AFG2A: variants seen among roughly 807,000 people sequenced by gnomAD.
AFG2A encodes AAA ATPase AFG2A.
chr4:122,938,822 CCTTA>C, the AFG2A span, among the ~76,000 whole-genome samples: 4 of 151,968 alleles, frequency 2.6e-5, no homozygotes, highest in Admixed American at 2.6e-4. Flanking sequence ...GTCTCGAACT[CCTTA>C]CCTTGTCATC....
At chr4:123,166,613 G>A in the AFG2A span, among the ~76,000 whole-genome samples, 1 of 152,120 alleles carries the variant, frequency 6.6e-6, no homozygotes, top group African/African-American at 2.4e-5. Context: ...AACTTGTTTG[G>A]ATCTATGGAT....
At chr4:123,026,432 C>T in the AFG2A span, among the ~76,000 whole-genome samples, 40 of 151,808 alleles carry the variant, frequency 2.6e-4, no homozygotes, top group South Asian at 6.7e-3. Context: ...CTAACACGAA[C>T]GATAGGTGAT....
At chr4:123,167,434 G>A in the AFG2A span, among the ~76,000 whole-genome samples, 1 of 151,838 alleles carries the variant, frequency 6.6e-6, no homozygotes, top group Non-Finnish European at 1.5e-5. Flanking sequence ...TGCAACCTCC[G>A]CCTCCTGGTT....
chr4:123,304,296 A>G, the AFG2A span, among the ~76,000 whole-genome samples: 2 of 152,102 alleles, frequency 1.3e-5, no homozygotes, highest in Non-Finnish European at 2.9e-5. Flanking sequence ...GGGCCTGGGT[A>G]AAGGGCCCTC....
chr4:123,068,295 A>T, the AFG2A span, among the ~76,000 whole-genome samples: 1 of 152,190 alleles, frequency 6.6e-6, no homozygotes, highest in Non-Finnish European at 1.5e-5. Context: ...CATTTTCACT[A>T]TGCTTTTCTC....
chr4:123,142,845 G>A, the AFG2A span, among the ~76,000 whole-genome samples: 2 of 152,122 alleles, frequency 1.3e-5, no homozygotes, highest in East Asian at 3.8e-4. Context: ...TAGGGGATCA[G>A]AAGAGATAAT....
chr4:123,269,223 A>G, the AFG2A span, among the ~76,000 whole-genome samples: 1 of 152,184 alleles, frequency 6.6e-6, no homozygotes, highest in Admixed American at 6.5e-5. Context: ...TGGGAAGCCT[A>G]TTATATTGGA....
At chr4:123,185,006 CAG>C in the AFG2A span, among the ~76,000 whole-genome samples, 1 of 152,146 alleles carries the variant, frequency 6.6e-6, no homozygotes, top group African/African-American at 2.4e-5. Flanking sequence ...TCATTTGTAG[CAG>C]AGTCAATCTT....
At chr4:123,028,039 T>C in the AFG2A span, 1 of 641,580 alleles carries the variant, frequency 1.6e-6, no homozygotes, top group Non-Finnish European at 2.6e-6. Context: ...TTCTTGTTAT[T>C]CTTGGAATTT....
the AFG2A span, among the ~76,000 whole-genome samples, chr4:122,957,458 A>G: frequency 2.6e-5 from 4 of 152,240 alleles, no homozygotes; most frequent in African/African-American, 7.2e-5. Context: ...TAGTAGGACT[A>G]TGTTCCAAGT....
chr4:123,003,365 G>A, the AFG2A span, among the ~76,000 whole-genome samples: 1 of 152,196 alleles, frequency 6.6e-6, no homozygotes. Flanking sequence ...CGTTCCTTTG[G>A]AGGAGGAGAG....
the AFG2A span, among the ~76,000 whole-genome samples, chr4:123,190,212 T>C: frequency 0.086 from 13,094 of 152,242 alleles, 768 homozygotes; most frequent in Middle Eastern, 0.2. Flanking sequence ...ATTTAAGAGA[T>C]GGGAAAGAGA....
the AFG2A span, among the ~76,000 whole-genome samples, chr4:123,197,904 A>T: frequency 4.6e-5 from 7 of 152,308 alleles, no homozygotes; most frequent in Admixed American, 2.6e-4. Context: ...TGAATGCTGA[A>T]CAACACATTC....
chr4:123,218,917 C>T, the AFG2A span, among the ~76,000 whole-genome samples: 1 of 152,162 alleles, frequency 6.6e-6, no homozygotes, highest in East Asian at 1.9e-4. Flanking sequence ...AAATCTATTA[C>T]AAAAGTGAAT....
chr4:123,257,400 G>A, the AFG2A span, among the ~76,000 whole-genome samples: 47 of 152,180 alleles, frequency 3.1e-4, no homozygotes, highest in African/African-American at 8.4e-4. Flanking sequence ...TGAAAATATC[G>A]TAAGTCAAAA....
chr4:122,931,111 T>C, the AFG2A span, among the ~76,000 whole-genome samples: 1 of 152,240 alleles, frequency 6.6e-6, no homozygotes, highest in Non-Finnish European at 1.5e-5. Context: ...ACTATTATTT[T>C]TTTAAAAGCA....
At chr4:123,245,515 T>C in the AFG2A span, among the ~76,000 whole-genome samples, 1 of 152,196 alleles carries the variant, frequency 6.6e-6, no homozygotes, top group Non-Finnish European at 1.5e-5. Flanking sequence ...TTTTGACTTG[T>C]AAAATGACTC....
chr4:122,940,991 A>G, the AFG2A span, among the ~76,000 whole-genome samples: 1 of 151,672 alleles, frequency 6.6e-6, no homozygotes, highest in South Asian at 2.1e-4. Context: ...CCATTGATCT[A>G]TATCTCTGTT....
the AFG2A span, among the ~76,000 whole-genome samples, chr4:123,104,019 A>G: frequency 2.0e-5 from 3 of 152,110 alleles, no homozygotes; most frequent in Admixed American, 6.6e-5. Flanking sequence ...GATATTCTAT[A>G]TCTTGGCTGT....
Sources: gnomAD v4.1 joint callset for allele counts (sites outside exome capture counted in the v4.1 genomes callset) on GRCh38, gnomAD v4.1.1 for gene constraint, MANE v1.5 for transcripts, NCBI Gene and HGNC (gene_info 2026-07-23, HGNC 2026-07-21) for gene names.